The following MOCS1 variants were observed in gnomAD, a reference collection of about 807,000 sequenced individuals.
MOCS1 encodes the protein molybdenum cofactor synthesis 1, also known as molybdenum cofactor biosynthesis protein 1.
Under a neutral mutation model 57.6 loss-of-function variants are expected in MOCS1, and 39 were observed. The ratio of observed to expected loss-of-function variants is 0.68; its 90% confidence interval spans 0.52 to 0.88. The LOEUF is 0.88. MOCS1 is among the 40% of genes least tolerant of loss of function. MOCS1 has a pLI of 0.00. For synonymous variants in MOCS1, 334 were observed against 335.7 expected (o/e 1.00, Z 0.05); for missense variants, 795 against 831.1 (o/e 0.96, Z 0.53).
intron 1 of MOCS1, among the ~76,000 whole-genome samples, chr6:39,929,149 C>G (rs187241500): frequency 2.6e-5 from 4 of 152,148 alleles, no homozygotes; most frequent in African/African-American, 9.7e-5. Context: ...CTCTACCCAC[C>G]GCGGGAGAAT....
At chr6:39,927,687 A>G (rs1336387278) in intron 1 of MOCS1, 5 of 1,543,094 alleles carry the variant, frequency 3.2e-6, no homozygotes, top group Non-Finnish European at 4.3e-6. Context: ...TCGGGGGCGG[A>G]TGGTGATCTC....
chr6:39,906,984 C>A lies in MOCS1; in HGVS notation c.1284G>T (p.Arg428Ser), dbSNP rs754412068. ...SQVATLWKGC[R>S]VPQTPPLAQQ... Reference sequence around the variant, plus strand: ...GGGCTAGAGGAGGGGTCTGGGGGACCCTGCATCCTTTCCATAAAGTGGCCA... The same window carrying A: ...GGGCTAGAGGAGGGGTCTGGGGGACACTGCATCCTTTCCATAAAGTGGCCA... Residue 428 changes from arginine (R) to serine (S), a missense_variant, in exon 11 of 11, where the codon AGG becomes AGT. Arg to Ser is a moderately radical substitution (Grantham distance 110). Around this residue, in one of 3 missense-constraint regions of MOCS1, gnomAD observed 374 missense variants for 422.6 expected, o/e 0.89. Transcript: ENST00000340692. 7 of 1,614,012 alleles carry A rather than the reference C, an allele frequency of 4.3e-6. No individual in the cohort carries two copies. The highest frequency in any genetic ancestry group is 5.9e-6 in the Non-Finnish European group (7 of 1,179,990).
intron 3 of MOCS1, among the ~76,000 whole-genome samples, chr6:39,919,544 AT>A (rs1767851584): frequency 1.3e-5 from 2 of 152,028 alleles, no homozygotes; most frequent in Non-Finnish European, 2.9e-5. Context: ...TGATAAGCTG[AT>A]TTCAAAATTT....
chr6:39,928,023 C>T (rs958917825), intron 1 of MOCS1, among the ~76,000 whole-genome samples: 2 of 152,112 alleles, frequency 1.3e-5, no homozygotes, highest in African/African-American at 2.4e-5. Flanking sequence ...TAGCATTTAC[C>T]AAGCATCTTA....
intron 2 of MOCS1, among the ~76,000 whole-genome samples, chr6:39,926,143 G>A (rs1179562969): frequency 6.6e-6 from 1 of 152,212 alleles, no homozygotes; most frequent in African/African-American, 2.4e-5. Flanking sequence ...GCTGAGGGCA[G>A]AGCCTGGCCT....
chr6:39,905,157 T>A lies in MOCS1; in HGVS notation c.*1200A>T. 6.6e-6 allele frequency: 3 copies of A among 454,364 alleles called. No homozygotes were observed. 28.1% of individuals were successfully genotyped at this position (454,364 alleles called of 1,614,324 possible). ...ACTGAGGACTCAAAGACATCCAAGTTAGAGAGCCCAGCAGGCCAGAACTGT... is the reference window on the plus strand; with the variant it reads ...ACTGAGGACTCAAAGACATCCAAGTAAGAGAGCCCAGCAGGCCAGAACTGT... On this transcript the variant is annotated 3_prime_UTR_variant, in exon 11 of 11. Coordinates refer to ENST00000340692, the MANE Select transcript of MOCS1 (RefSeq NM_001358530.2).
chr6:39,929,770 G>GTT (rs1459096427), intron 1 of MOCS1, among the ~76,000 whole-genome samples: 1 of 151,558 alleles, frequency 6.6e-6, no homozygotes, highest in Non-Finnish European at 1.5e-5. Context: ...GCAAAACCCC[G>GTT]TCTCTACTAA....
chr6:39,904,220 C>CA lies in MOCS1; in HGVS notation c.*2136dup. On this transcript the variant is annotated 3_prime_UTR_variant, in exon 11 of 11. Transcript: ENST00000340692. ...AAGCAGAATTTGGTTCAACTGTTGA[C>CA]AGAGGACACAAATACGTTGTTCCAG... The CA allele has an allele frequency of 2.2e-6, 1 of 456,756 alleles. No individual in the cohort carries two copies. The highest frequency in any genetic ancestry group is 4.4e-6 in the Non-Finnish European group (1 of 226,978). 28.3% of individuals were successfully genotyped at this position (456,756 alleles called of 1,614,324 possible). A position where few individuals can be genotyped will look rare whatever the true frequency, so the allele number is the denominator to read the frequency against.
intron 3 of MOCS1, among the ~76,000 whole-genome samples, chr6:39,917,080 C>T (rs920422256): frequency 4.6e-5 from 7 of 152,176 alleles, no homozygotes; most frequent in African/African-American, 1.7e-4. Context: ...CCAGTGCAGA[C>T]ACTTAAGCCA....
At position 39,934,382 on chromosome 6, in the gene MOCS1, C is replaced by A. The variant is rs1194576122; in HGVS notation, c.36G>T (p.Arg12=). The A allele has an allele frequency of 6.4e-7, 1 of 1,561,168 alleles. No individual in the cohort carries two copies. Among genetic ancestry groups the A allele is most frequent in the East Asian group, 2.4e-5 (1 of 42,462 alleles). ...AARPLSRMLR[R]LLRSSARSCS... is the part of the protein sequence containing the mutation. Reference sequence around the variant, plus strand: ...AGCTCCGGGCGCTGGACCTCAGAAGCCGCCGCAGCATCCGGGACAGTGGCC... The same window carrying A: ...AGCTCCGGGCGCTGGACCTCAGAAGACGCCGCAGCATCCGGGACAGTGGCC... The change falls in exon 1 of 11, where the codon CGG becomes CGT. Residue 12 remains arginine, a synonymous_variant. Transcript: ENST00000340692.
intron 5 of MOCS1, 153 bp downstream of exon 5, chr6:39,913,616 AGGGCT>A: frequency 2.0e-6 from 2 of 1,010,730 alleles, no homozygotes; most frequent in East Asian, 2.4e-5. Flanking sequence ...AAGGGTCGGC[AGGGCT>A]GGACCAGCAG....
intron 3 of MOCS1, 135 bp from the exon 4 acceptor site, chr6:39,916,367 G>T: frequency 9.6e-7 from 1 of 1,038,040 alleles, no homozygotes; most frequent in Non-Finnish European, 1.4e-6. Context: ...TATTAACCAG[G>T]CCTAACTTAA....
chr6:39,925,280 G>A (rs1768211023), intron 3 of MOCS1, among the ~76,000 whole-genome samples: 2 of 152,134 alleles, frequency 1.3e-5, no homozygotes, highest in Admixed American at 1.3e-4. Flanking sequence ...ATGAGGTCGA[G>A]GAGAGTGCCC....
rs766275341 is a variant in MOCS1 at position 39,905,179 on chromosome 6, C to CTG, written c.*1176_*1177dup. 2.0e-5 allele frequency: 9 copies of CTG among 454,344 alleles called. No homozygotes were observed. The highest frequency in any genetic ancestry group is 1.4e-4 in the South Asian group (9 of 64,470). The allele number at this position is 454,344 out of a possible 1,614,324, so 28.1% of individuals were successfully genotyped here. On this transcript the variant is annotated 3_prime_UTR_variant, in exon 11 of 11. Coordinates refer to ENST00000340692, the MANE Select transcript of MOCS1 (RefSeq NM_001358530.2). The stretch of plus-strand genomic sequence containing the variant: ...AGTTAGAGAGCCCAGCAGGCCAGAA[C>CTG]TGTGTGTGTTTGGGATGTGAGAACC...
chr6:39,921,783 T>C (rs1470856462), intron 3 of MOCS1, among the ~76,000 whole-genome samples: 3 of 152,180 alleles, frequency 2.0e-5, no homozygotes, highest in Non-Finnish European at 4.4e-5. Context: ...TGATTTTTTT[T>C]CAACTTTTTT....
chr6:39,926,019 G>A (rs540644036), intron 2 of MOCS1, among the ~76,000 whole-genome samples, 174 bp from the exon 3 acceptor site: 3 of 152,292 alleles, frequency 2.0e-5, no homozygotes, highest in East Asian at 3.9e-4. Context: ...ATCTCCCCAG[G>A]CCTCACCTTT....
chr6:39,933,237 G>C (rs1343876821), intron 1 of MOCS1, among the ~76,000 whole-genome samples: 3 of 152,080 alleles, frequency 2.0e-5, no homozygotes, highest in East Asian at 1.9e-4. Flanking sequence ...AATAAACTAG[G>C]GGGTGGGGGG....
chr6:39,905,304 C>T lies in MOCS1; in HGVS notation c.*1053G>A, dbSNP rs1309618877. ...TGGCCACCACCTGACAAAAGATTTC[C>T]CTTAGATGGTGCATTTCTATGCCCC... is the stretch of plus-strand genomic sequence containing the variant. On this transcript the variant is annotated 3_prime_UTR_variant, in exon 11 of 11. Transcript: ENST00000340692. The T allele has an allele frequency of 2.2e-6, 1 of 455,482 alleles. No individual in the cohort carries two copies. Among genetic ancestry groups the T allele is most frequent in the Non-Finnish European group, 4.4e-6 (1 of 226,974 alleles). The allele number at this position is 455,482 out of a possible 1,614,324, so 28.2% of individuals were successfully genotyped here. A position where few individuals can be genotyped will look rare whatever the true frequency, so the allele number is the denominator to read the frequency against.
Position 39,912,936 on chromosome 6 carries a change from G to A in MOCS1, c.826C>T (p.Pro276Ser), listed in dbSNP as rs1293208541. ...EMLDTVRQQW[P>S]ELEKVPEEES... ...TCCTCTGGCACCTTCTCCAGCTCTG[G>A]CCACTGCTGCCGGACAGTGTCTAGC... Residue 276 changes from proline (P) to serine (S), a missense_variant, in exon 7 of 11, where the codon CCA becomes TCA. By Grantham distance (74) the Pro-to-Ser change is moderately conservative. Coordinates refer to ENST00000340692, the MANE Select transcript of MOCS1 (RefSeq NM_001358530.2). 2 of 1,614,102 alleles carry A rather than the reference G, an allele frequency of 1.2e-6. No individual in the cohort carries two copies. The highest frequency in any genetic ancestry group is 2.2e-5 in the South Asian group (2 of 91,074).
Sources: allele counts gnomAD v4.1 joint callset (sites outside exome capture counted in the v4.1 genomes callset), GRCh38; gene constraint gnomAD v4.1.1; regional missense constraint gnomAD v4.1.1; transcripts MANE v1.5; gene names NCBI Gene and HGNC (gene_info 2026-07-23, HGNC 2026-07-21).